AHI1: variants seen among roughly 807,000 people sequenced by gnomAD.
AHI1 encodes jouberin.
Under a neutral mutation model 149.3 loss-of-function variants are expected in AHI1, and 123 were observed. That is an observed-to-expected ratio of 0.82 (90% CI 0.71 to 0.96). AHI1 has a LOEUF of 0.96. AHI1 is among the 40% of genes least tolerant of loss of function. The pLI, the probability that AHI1 is intolerant of heterozygous loss-of-function variation, is 0.00. For synonymous variants in AHI1, 475 were observed against 459.8 expected (o/e 1.03, Z -0.42); for missense variants, 1,439 against 1,422.7 (o/e 1.01, Z -0.18).
chr6:135,292,256 G>A (rs559531881), intron 27 of AHI1, among the ~76,000 whole-genome samples: 7 of 152,026 alleles, frequency 4.6e-5, no homozygotes, highest in South Asian at 2.1e-4. Context: ...TGTTTACCCC[G>A]TCGTGTCTAT....
rs567076812 is a variant in AHI1, at chr6:135,431,415, G to C, written c.2267-101C>G. The C allele has an allele frequency of 8.4e-6, 5 of 595,708 alleles. No homozygotes were observed. The African/African-American group carries it at 9.6e-5, about 11-fold the overall frequency. 36.9% of individuals were successfully genotyped at this position (595,708 alleles called of 1,614,324 possible). A position where few individuals can be genotyped will look rare whatever the true frequency, so the allele number is the denominator to read the frequency against. The stretch of plus-strand genomic sequence containing the variant: ...ACTATACCCCAGTAAAACAGTCAAA[G>C]AATTGAAGGGCTATTAAAAGGTATT... On this transcript the variant is annotated intron_variant, in intron 16 of 28. Transcript: ENST00000265602.
rs148760579 is a variant in AHI1, at chr6:135,435,581, C to T, written c.2037-2325G>A. On this transcript the variant is annotated intron_variant, in intron 15 of 28. Coordinates refer to ENST00000265602, the MANE Select transcript of AHI1 (RefSeq NM_001134831.2). ...GGTAAAGCAAAGGGTACAAGGGAAGCGCATGAGAAAAGAATGTTGGGTCAA... is the reference window on the plus strand; with the variant it reads ...GGTAAAGCAAAGGGTACAAGGGAAGTGCATGAGAAAAGAATGTTGGGTCAA... 2.9e-4 allele frequency among the ~76,000 whole-genome samples: 44 copies of T among 152,188 alleles called. 1 individual carries two copies. In the South Asian group the frequency reaches 7.7e-3, roughly 27 times the overall value.
chr6:135,467,451 T>C, intron 6 of AHI1, 130 bp downstream of exon 6: 2 of 718,954 alleles, frequency 2.8e-6, no homozygotes, highest in South Asian at 1.9e-5. Flanking sequence ...TTCTGAATGA[T>C]AAAAATAAAA....
chr6:135,382,436 T>C (rs529097776), intron 23 of AHI1, among the ~76,000 whole-genome samples: 12 of 152,228 alleles, frequency 7.9e-5, no homozygotes, highest in South Asian at 2.1e-4. Flanking sequence ...CTAATTTCCA[T>C]TGTTAGTTAA....
At chr6:135,441,162 A>C (rs1010665279) in intron 14 of AHI1, among the ~76,000 whole-genome samples, 3 of 152,156 alleles carry the variant, frequency 2.0e-5, no homozygotes, top group African/African-American at 4.8e-5. Context: ...GTCCAACTAG[A>C]AATTTTACAG....
chr6:135,379,595 C>G (rs556055833), intron 23 of AHI1, among the ~76,000 whole-genome samples: 6 of 152,140 alleles, frequency 3.9e-5, no homozygotes, highest in African/African-American at 1.4e-4. Flanking sequence ...CTATGCAATC[C>G]CATCTACCTA....
rs537397153 is a variant in AHI1 at position 135,388,513 on chromosome 6, T to C, written c.3109+6263A>G. Among the ~76,000 whole-genome samples the C allele has an allele frequency of 2.0e-3, 299 of 152,348 alleles. 3 individuals are homozygous for C. The highest frequency in any genetic ancestry group is 6.8e-3 in the African/African-American group (281 of 41,580). Reference sequence around the variant, plus strand: ...TGGCTTATACAAGAATATCACAGAATCTCTGGTGAAATTATGATCCAGGAT... The same window carrying C: ...TGGCTTATACAAGAATATCACAGAACCTCTGGTGAAATTATGATCCAGGAT... On this transcript the variant is annotated intron_variant, in intron 23 of 28. Coordinates refer to ENST00000265602, the MANE Select transcript of AHI1 (RefSeq NM_001134831.2).
intron 14 of AHI1, among the ~76,000 whole-genome samples, chr6:135,440,950 C>T (rs1399334882): frequency 1.3e-5 from 2 of 151,342 alleles, no homozygotes; most frequent in Non-Finnish European, 3.0e-5. Flanking sequence ...GAAAGAGTGG[C>T]CCATACACAG....
chr6:135,347,612 G>A (rs1167459324), intron 24 of AHI1, among the ~76,000 whole-genome samples: 3 of 152,174 alleles, frequency 2.0e-5, no homozygotes, highest in East Asian at 3.8e-4. Context: ...GAGATTATCT[G>A]CTTTGCACAG....
intron 26 of AHI1, among the ~76,000 whole-genome samples, chr6:135,313,217 T>G (rs1434321963): frequency 3.3e-5 from 5 of 152,154 alleles, no homozygotes; most frequent in Non-Finnish European, 7.4e-5. Flanking sequence ...ATACCTTCTC[T>G]CACTGGGAAG....
chr6:135,435,170 C>T (rs1314229551), intron 15 of AHI1: 2 of 152,186 alleles, frequency 1.3e-5, no homozygotes, highest in Non-Finnish European at 2.9e-5. Context: ...TTTCAAAACT[C>T]TCCTTGTCAT....
chr6:135,423,042 C>A (rs1372277613), intron 20 of AHI1, among the ~76,000 whole-genome samples: 2 of 152,088 alleles, frequency 1.3e-5, no homozygotes, highest in African/African-American at 4.8e-5. Context: ...TTTACACCAA[C>A]TGTGTTACTT....
intron 15 of AHI1, among the ~76,000 whole-genome samples, chr6:135,434,796 G>GA (rs376648587): frequency 6.6e-6 from 1 of 151,942 alleles, no homozygotes; most frequent in East Asian, 1.9e-4. Context: ...ATTTGGGAAA[G>GA]AAAAAACATA....
chr6:135,352,061 C>T lies in AHI1; in HGVS notation c.3165+6071G>A, dbSNP rs139796242. On this transcript the variant is annotated intron_variant, in intron 24 of 28. Transcript: ENST00000265602. ...CATACCTCTATTTCCACACTGATCC[C>T]GATAGTCTCCTTATTTAAATCCTTA... Among the ~76,000 whole-genome samples the T allele has an allele frequency of 4.4e-3, 666 of 152,288 alleles. 3 individuals are homozygous for T. The highest frequency in any genetic ancestry group is 6.1e-3 in the Non-Finnish European group (418 of 68,014).
At chr6:135,421,121 C>T (rs1025721261) in intron 20 of AHI1, among the ~76,000 whole-genome samples, 3 of 152,068 alleles carry the variant, frequency 2.0e-5, no homozygotes, top group African/African-American at 7.2e-5. Flanking sequence ...CAATTAAGTT[C>T]GCCATCTTAT....
chr6:135,421,998 T>C (rs1180651299), intron 20 of AHI1, among the ~76,000 whole-genome samples: 1 of 152,146 alleles, frequency 6.6e-6, no homozygotes, highest in Non-Finnish European at 1.5e-5. Context: ...GAACTATTCA[T>C]AAGTATTACA....
chr6:135,371,822 A>C (rs1332905148), intron 23 of AHI1, among the ~76,000 whole-genome samples: 1 of 152,160 alleles, frequency 6.6e-6, no homozygotes, highest in Non-Finnish European at 1.5e-5. Flanking sequence ...TTGGGGTGGG[A>C]GGACTTTGTT....
intron 23 of AHI1, among the ~76,000 whole-genome samples, chr6:135,371,619 C>T (rs1775072446): frequency 6.6e-6 from 1 of 152,188 alleles, no homozygotes; most frequent in Non-Finnish European, 1.5e-5. Context: ...CTTTTATCTT[C>T]ATGATAATCT....
rs544665081 is a variant in AHI1, at chr6:135,475,501, T to C, written c.136-7867A>G. On this transcript the variant is annotated intron_variant, in intron 5 of 28. Transcript: ENST00000265602. The stretch of plus-strand genomic sequence containing the variant: ...AAGCTTATGTTAGCAATGTGATTTA[T>C]GGTGAACATGTGTTTTTGCTTTGGG... Among the ~76,000 whole-genome samples the C allele has an allele frequency of 3.3e-5, 5 of 152,360 alleles. No homozygotes were observed. In the East Asian group the frequency reaches 7.7e-4, roughly 23 times the overall value.
Sources: allele counts gnomAD v4.1 joint callset (sites outside exome capture counted in the v4.1 genomes callset), GRCh38; gene constraint gnomAD v4.1.1; transcripts MANE v1.5; gene names NCBI Gene and HGNC (gene_info 2026-07-23, HGNC 2026-07-21).